SV2C: variants seen among roughly 807,000 people sequenced by gnomAD.
SV2C encodes synaptic vesicle glycoprotein 2C.
SV2C carries 49 observed loss-of-function variants against 79.7 expected under a neutral mutation model. That is an observed-to-expected ratio of 0.61 (90% CI 0.49 to 0.78). SV2C has a LOEUF of 0.78. SV2C is among the 30% of genes least tolerant of loss of function. The probability of loss-of-function intolerance (pLI) is 0.00; values close to 1 mark genes in which losing one functional copy is unlikely to be tolerated. For missense variants in SV2C, 833 were observed against 912.9 expected, an observed-to-expected ratio of 0.91 and a Z score of 1.13; for synonymous variants, 334 against 333.2, an observed-to-expected ratio of 1.00 and a Z score of -0.03.
intron 2 of SV2C, among the ~76,000 whole-genome samples, chr5:76,177,538 T>A (rs942050730): frequency 2.6e-5 from 4 of 152,190 alleles, no homozygotes. Context: ...AATATGGTAT[T>A]TCTGTCTCTC....
At chr5:75,852,641 A>G in the SV2C span, among the ~76,000 whole-genome samples, 5 of 152,052 alleles carry the variant, frequency 3.3e-5, no homozygotes, top group Admixed American at 6.6e-5. Context: ...GATCTTCACT[A>G]TAAGAACTGC....
At chr5:76,070,338 A>G in the SV2C span, among the ~76,000 whole-genome samples, 2 of 152,164 alleles carry the variant, frequency 1.3e-5, no homozygotes, top group African/African-American at 2.4e-5. Flanking sequence ...CACAGAGACA[A>G]CTGTGGTTGT....
chr5:75,936,868 C>G, the SV2C span, among the ~76,000 whole-genome samples: 4 of 152,150 alleles, frequency 2.6e-5, no homozygotes, highest in South Asian at 8.3e-4. Flanking sequence ...ATGTTCGTTA[C>G]CTTAATCTAG....
At chr5:76,190,420 A>G (rs1352506002) in intron 2 of SV2C, among the ~76,000 whole-genome samples, 2 of 152,216 alleles carry the variant, frequency 1.3e-5, no homozygotes, top group Admixed American at 1.3e-4. Flanking sequence ...AAGAGGAAAC[A>G]TTAGGGGTAA....
intron 2 of SV2C, among the ~76,000 whole-genome samples, chr5:76,178,606 A>G (rs141115417): frequency 7.1e-4 from 108 of 152,380 alleles, no homozygotes; most frequent in African/African-American, 2.5e-3. Context: ...ATTTTATAAA[A>G]CAAAAGGCAT....
chr5:75,927,674 A>G, the SV2C span, among the ~76,000 whole-genome samples: 1 of 152,182 alleles, frequency 6.6e-6, no homozygotes, highest in African/African-American at 2.4e-5. Flanking sequence ...AATAACAACA[A>G]ACCCCCCAAA....
chr5:76,254,530 C>G (rs1031094273), intron 4 of SV2C, among the ~76,000 whole-genome samples: 1 of 152,062 alleles, frequency 6.6e-6, no homozygotes, highest in Non-Finnish European at 1.5e-5. Flanking sequence ...ATGGAAATTT[C>G]CAGGCATGGA....
chr5:76,128,565 C>T (rs897418868), intron 1 of SV2C, among the ~76,000 whole-genome samples: 3 of 152,160 alleles, frequency 2.0e-5, no homozygotes, highest in South Asian at 2.1e-4. Context: ...CTCTAACAAG[C>T]TTTGTGACTT....
At chr5:75,960,638 A>G in the SV2C span, among the ~76,000 whole-genome samples, 1 of 151,940 alleles carries the variant, frequency 6.6e-6, no homozygotes, top group Non-Finnish European at 1.5e-5. Context: ...AAAATTAAAA[A>G]CCAAGCTATA....
chr5:76,284,541 G>A (rs115716693), intron 4 of SV2C, among the ~76,000 whole-genome samples: 2,088 of 152,240 alleles, frequency 0.014, 48 homozygotes, highest in African/African-American at 0.045. Flanking sequence ...GGATCCACCT[G>A]TGCCTCAAAG....
At chr5:76,323,826 G>A (rs1301921241) in intron 12 of SV2C, among the ~76,000 whole-genome samples, 1 of 152,136 alleles carries the variant, frequency 6.6e-6, no homozygotes, top group Non-Finnish European at 1.5e-5. Flanking sequence ...TCATAAATGA[G>A]AGTTGAACAA....
chr5:76,250,137 G>A, intron 4 of SV2C, among the ~76,000 whole-genome samples: 1 of 152,098 alleles, frequency 6.6e-6, no homozygotes, highest in South Asian at 2.1e-4. Flanking sequence ...ATGTTGGCAG[G>A]TGCTCCATCT....
intron 1 of SV2C, among the ~76,000 whole-genome samples, chr5:76,104,186 T>C (rs1450873288): frequency 6.6e-6 from 1 of 152,192 alleles, no homozygotes; most frequent in African/African-American, 2.4e-5. Flanking sequence ...CCTGCCTGTA[T>C]GTGACAGTTG....
chr5:76,200,657 T>C (rs1388681627), intron 3 of SV2C, among the ~76,000 whole-genome samples: 1 of 152,176 alleles, frequency 6.6e-6, no homozygotes, highest in African/African-American at 2.4e-5. Context: ...TTTTGTTTTT[T>C]GAGATGGGAT....
At chr5:76,060,903 A>G in the SV2C span, among the ~76,000 whole-genome samples, 1 of 152,002 alleles carries the variant, frequency 6.6e-6, no homozygotes, top group Admixed American at 6.6e-5. Flanking sequence ...TCACTTGAAC[A>G]TTTAGAGGCC....
the SV2C span, among the ~76,000 whole-genome samples, chr5:75,998,484 A>C: frequency 6.6e-6 from 1 of 152,182 alleles, no homozygotes; most frequent in Admixed American, 6.5e-5. Flanking sequence ...ACTGGGTGGC[A>C]TCCTAGCCAT....
At chr5:76,069,712 A>T in the SV2C span, among the ~76,000 whole-genome samples, 1 of 152,032 alleles carries the variant, frequency 6.6e-6, no homozygotes, top group Non-Finnish European at 1.5e-5. Context: ...TGTCTTTCCC[A>T]AACCTGGTTC....
chr5:76,092,296 C>A (rs896228710), intron 1 of SV2C, among the ~76,000 whole-genome samples: 1 of 152,132 alleles, frequency 6.6e-6, no homozygotes, highest in African/African-American at 2.4e-5. Context: ...ATATTAATTT[C>A]AATATACACC....
At chr5:76,349,084 GA>G (rs1288555524) in intron 12 of SV2C, among the ~76,000 whole-genome samples, 3 of 152,136 alleles carry the variant, frequency 2.0e-5, no homozygotes, top group Non-Finnish European at 4.4e-5. Flanking sequence ...GTTAACCTTG[GA>G]TAAGTTGCTT....
Sources: gnomAD v4.1 joint callset for allele counts (sites outside exome capture counted in the v4.1 genomes callset) on GRCh38, gnomAD v4.1.1 for gene constraint, MANE v1.5 for transcripts, NCBI Gene and HGNC (gene_info 2026-07-23, HGNC 2026-07-21) for gene names.